Variants in GFRA2 observed in about 807,000 individuals in gnomAD.
GFRA2 encodes the protein GDNF family receptor alpha-2.
In GFRA2, 17 loss-of-function variants were observed where a neutral mutation model predicts 48.3. That is an observed-to-expected ratio of 0.35 (90% CI 0.24 to 0.53). The LOEUF (loss-of-function observed/expected upper bound fraction) is 0.53. Among genes scored for constraint, GFRA2 ranks in the 20% least tolerant of loss-of-function variants. GFRA2 has a pLI of 0.93. For synonymous variants in GFRA2, 305 were observed against 257.2 expected, an observed-to-expected ratio of 1.19 and a Z score of -1.78; for missense variants, 660 against 637.3, an observed-to-expected ratio of 1.04 and a Z score of -0.38.
intron 4 of GFRA2, among the ~76,000 whole-genome samples, chr8:21,748,207 C>A (rs539075447): frequency 2.6e-4 from 40 of 152,284 alleles, no homozygotes; most frequent in Non-Finnish European, 4.9e-4. Context: ...CCCACAAGTC[C>A]AAGTGCCCCC....
At chr8:21,752,341 C>G (rs964542286) in intron 3 of GFRA2, among the ~76,000 whole-genome samples, 2 of 152,126 alleles carry the variant, frequency 1.3e-5, no homozygotes, top group Non-Finnish European at 2.9e-5. Context: ...TTTGGCCCCA[C>G]CTGTCTGATG....
At chr8:21,791,869 G>A (rs1807579358), upstream of GFRA2, among the ~76,000 whole-genome samples, 1 of 152,346 alleles carries the variant, frequency 6.6e-6, no homozygotes, top group Admixed American at 6.5e-5. Flanking sequence ...CTATTAAGCA[G>A]CTGTCGTAAG....
chr8:21,725,631 T>C (rs575609241), intron 4 of GFRA2, among the ~76,000 whole-genome samples: 22 of 152,352 alleles, frequency 1.4e-4, no homozygotes, highest in Non-Finnish European at 2.8e-4. Context: ...AAAGCATTAG[T>C]GCATTTAATC....
intron 7 of GFRA2, among the ~76,000 whole-genome samples, chr8:21,696,082 CT>C (rs1378055259): frequency 8.0e-6 from 1 of 124,608 alleles, no homozygotes; most frequent in Admixed American, 7.9e-5. Flanking sequence ...CCCCTCCCCC[CT>C]CTCTCCCCTC....
chr8:21,766,058 A>G (rs1806135751), intron 3 of GFRA2, among the ~76,000 whole-genome samples: 1 of 152,112 alleles, frequency 6.6e-6, no homozygotes, highest in African/African-American at 2.4e-5. Context: ...TGTGCTAGTC[A>G]ACCGCCTCAA....
chr8:21,757,607 C>T (rs888121885), intron 3 of GFRA2, among the ~76,000 whole-genome samples: 1 of 151,366 alleles, frequency 6.6e-6, no homozygotes, highest in African/African-American at 2.4e-5. Flanking sequence ...GATTCTCCTG[C>T]CTCAGCCTCC....
chr8:21,789,459 A>T (rs1321612513), upstream of GFRA2, among the ~76,000 whole-genome samples: 7 of 151,950 alleles, frequency 4.6e-5, no homozygotes, highest in African/African-American at 1.2e-4. Flanking sequence ...CTCGGGGGGC[A>T]GGGCGTTAGA....
rs56395481 is a variant in GFRA2 at position 21,700,620 on chromosome 8, T to A, written c.1218+2185A>T. ...GACATGCTGCTGTCTTCACCAGGCC[T>A]CTGGTGGCTTGGGTTTAGGAAGATC... On this transcript the variant is annotated intron_variant, in intron 7 of 8. Transcript: ENST00000524240. Among the ~76,000 whole-genome samples the A allele has an allele frequency of 3.7e-3, 567 of 152,188 alleles. 2 individuals are homozygous for A. Among genetic ancestry groups the A allele is most frequent in the African/African-American group, 0.013 (537 of 41,512 alleles).
chr8:21,811,839 T>C lies in GFRA2; in HGVS notation c.-148+392A>G, dbSNP rs1279907234. 2.0e-5 allele frequency among the ~76,000 whole-genome samples: 3 copies of C among 148,268 alleles called. No homozygotes were observed. In the East Asian group the frequency reaches 6.0e-4, roughly 30 times the overall value. On this transcript the variant is annotated intron_variant, in intron 1 of 10. Coordinates refer to the GFRA2 transcript ENST00000517328. ...CTGGACTCACAGGAAGTTGTAAAAATAGTACAGAGCAATCTCACAGACCCT... is the reference window on the plus strand; with the variant it reads ...CTGGACTCACAGGAAGTTGTAAAAACAGTACAGAGCAATCTCACAGACCCT...
intron 2 of GFRA2, among the ~76,000 whole-genome samples, chr8:21,777,755 G>A (rs1806778824): frequency 6.6e-6 from 1 of 152,182 alleles, no homozygotes; most frequent in East Asian, 1.9e-4. Context: ...CCAAGACAGT[G>A]AAAAGGGACC....
chr8:21,747,642 A>G lies in GFRA2; in HGVS notation c.794+2946T>C, dbSNP rs115699707. ...GCCCCAGCTCTCCTCCCCATCTCCC[A>G]TCTCTCTGCGGTCCCTGGCCCTGGC... is the stretch of plus-strand genomic sequence containing the variant. On this transcript the variant is annotated intron_variant, in intron 4 of 8. Transcript: ENST00000524240. 8.3e-3 allele frequency among the ~76,000 whole-genome samples: 1,254 copies of G among 151,326 alleles called. 16 individuals carry two copies. Among genetic ancestry groups the G allele is most frequent in the African/African-American group, 0.029 (1,178 of 41,194 alleles).
chr8:21,800,252 C>G (rs140085703), intron 2 of GFRA2, among the ~76,000 whole-genome samples: 11,931 of 152,264 alleles, frequency 0.078, 816 homozygotes, highest in East Asian at 0.27. Flanking sequence ...TGTTACTCCT[C>G]TCTGAGGCAT....
chr8:21,784,598 C>T (rs1186979654), intron 1 of GFRA2, among the ~76,000 whole-genome samples: 4 of 152,268 alleles, frequency 2.6e-5, no homozygotes, highest in East Asian at 1.9e-4. Flanking sequence ...CATCCACTCC[C>T]GGTGGGACCA....
At chr8:21,728,314 G>C (rs1214471607) in intron 4 of GFRA2, among the ~76,000 whole-genome samples, 1 of 110,830 alleles carries the variant, frequency 9.0e-6, no homozygotes, top group Admixed American at 1.4e-4. Flanking sequence ...TCACTCTGTT[G>C]CCCAGGCTGG....
At chr8:21,759,397 A>G (rs1563251923) in intron 3 of GFRA2, among the ~76,000 whole-genome samples, 1 of 133,536 alleles carries the variant, frequency 7.5e-6, no homozygotes, top group Non-Finnish European at 1.6e-5. Context: ...AAAAAGAAAG[A>G]AAGGAAGAGA....
At chr8:21,784,063 T>G (rs759167664) in intron 1 of GFRA2, among the ~76,000 whole-genome samples, 5 of 152,066 alleles carry the variant, frequency 3.3e-5, no homozygotes, top group Non-Finnish European at 5.9e-5. Context: ...ACCTTGCTCC[T>G]CCACCAATGT....
intron 3 of GFRA2, among the ~76,000 whole-genome samples, chr8:21,768,575 G>A (rs1023793139): frequency 8.5e-5 from 13 of 152,130 alleles, no homozygotes; most frequent in Admixed American, 6.5e-5. Context: ...TCCTGCCTCC[G>A]GGCCTGGGGT....
chr8:21,771,949 G>A lies in GFRA2; in HGVS notation c.439+3023C>T, dbSNP rs372228197. Among the ~76,000 whole-genome samples, 655 of 152,274 alleles carry A rather than the reference G, an allele frequency of 4.3e-3. 10 individuals carry two copies. In the East Asian group the frequency reaches 0.048, roughly 11 times the overall value. On this transcript the variant is annotated intron_variant, in intron 3 of 8. Coordinates refer to ENST00000524240, the MANE Select transcript of GFRA2 (RefSeq NM_001495.5). ...AGCCTTTTAATGCCAAAGCTCTAGT[G>A]CAGGTCTTGGGATACTCACAACAAG...
chr8:21,693,391 T>C lies in GFRA2; in HGVS notation c.1282A>G (p.Asn428Asp). ...ACCTTGTTACTCCCTGGGATGATAT[T>C]TGTCGTGAGCTGAGTCCGCAGCAGG... ...LSMCFTELTTNIIPGSNKVIK... is the reference protein window; with the variant it reads ...LSMCFTELTTDIIPGSNKVIK... The change falls in exon 9 of 9, where the codon AAT becomes GAT. Residue 428 changes from asparagine (N) to aspartate (D), a missense_variant. Coordinates refer to ENST00000524240, the MANE Select transcript of GFRA2 (RefSeq NM_001495.5). 3.1e-6 allele frequency: 5 copies of C among 1,610,820 alleles called. No individual in the cohort carries two copies. The highest frequency in any genetic ancestry group is 4.2e-6 in the Non-Finnish European group (5 of 1,178,414).
Sources: allele counts gnomAD v4.1 joint callset (sites outside exome capture counted in the v4.1 genomes callset), GRCh38; gene constraint gnomAD v4.1.1; transcripts MANE v1.5; gene names NCBI Gene and HGNC (gene_info 2026-07-23, HGNC 2026-07-21).